The following MYO1H variants were observed in gnomAD, a reference collection of about 807,000 sequenced individuals.
MYO1H encodes the protein unconventional myosin-Ih.
In MYO1H, 118 loss-of-function variants were observed where a neutral mutation model predicts 149.3. That is an observed-to-expected ratio of 0.79 (90% confidence interval 0.68 to 0.92). The LOEUF (loss-of-function observed/expected upper bound fraction) is 0.92, where lower values mean the gene tolerates loss of function less well. MYO1H is among the 40% of genes least tolerant of loss of function. MYO1H has a pLI of 0.00. For missense variants in MYO1H, 1,212 were observed against 1,280.7 expected (o/e 0.95, Z 0.82); for synonymous variants, 447 against 465.2 (o/e 0.96, Z 0.50).
chr12:109,409,557 G>A, exon 11 of MYO1H: 2 of 1,613,478 alleles, frequency 1.2e-6, no homozygotes, highest in South Asian at 1.1e-5. Flanking sequence ...TTTTGACCAG[G>A]ATTTCACCAG....
intron 1 of MYO1H, among the ~76,000 whole-genome samples, chr12:109,349,602 A>G (rs996377793): frequency 8.1e-5 from 12 of 147,844 alleles, no homozygotes; most frequent in African/African-American, 3.0e-4. Context: ...TCAAGGCTGC[A>G]GTGAACTGTG....
intron 1 of MYO1H, among the ~76,000 whole-genome samples, chr12:109,359,954 G>A (rs1868704959): frequency 6.6e-6 from 1 of 152,056 alleles, no homozygotes; most frequent in South Asian, 2.1e-4. Flanking sequence ...TTTGATTTGG[G>A]AAAGTGAAGC....
At chr12:109,443,046 GTATATA>G (rs1430812347) in intron 27 of MYO1H, among the ~76,000 whole-genome samples, 13 of 66,946 alleles carry the variant, frequency 1.9e-4, no homozygotes, top group East Asian at 6.1e-4. Flanking sequence ...GTGTGTGTGT[GTATATA>G]TGTGTACGTA....
intron 4 of MYO1H, among the ~76,000 whole-genome samples, 200 bp downstream of exon 4, chr12:109,396,782 C>T (rs1869926329): frequency 7.6e-6 from 1 of 131,960 alleles, no homozygotes; most frequent in Admixed American, 7.7e-5. Flanking sequence ...TAGTACCTAC[C>T]TTTTAAGACA....
exon 4 of MYO1H, chr12:109,396,530 A>G (rs1361761912): frequency 1.2e-6 from 2 of 1,613,816 alleles, no homozygotes; most frequent in Admixed American, 3.3e-5. Flanking sequence ...CCAATGACCC[A>G]GTCACTACAA....
intron 27 of MYO1H, among the ~76,000 whole-genome samples, chr12:109,443,094 A>ATATGTGTACGTATATGTGTG (rs1872258765): frequency 1.2e-5 from 1 of 82,532 alleles, no homozygotes; most frequent in Non-Finnish European, 2.7e-5. Flanking sequence ...ATGTGTGTAT[A>ATATGTGTACGTATATGTGTG]TATGTGTACG....
intron 1 of MYO1H, among the ~76,000 whole-genome samples, chr12:109,355,848 C>T (rs891561297): frequency 6.6e-6 from 1 of 150,680 alleles, no homozygotes; most frequent in African/African-American, 2.5e-5. Context: ...GCTGGGATTA[C>T]AGGTGTGTGC....
intron 15 of MYO1H, 101 bp from the exon 16 acceptor site, chr12:109,420,880 A>G: frequency 1.4e-6 from 1 of 729,644 alleles, no homozygotes; most frequent in South Asian, 1.6e-5. Flanking sequence ...GCTAATCCTA[A>G]GAAATTCTTT....
intron 28 of MYO1H, among the ~76,000 whole-genome samples, 180 bp downstream of exon 28, chr12:109,443,829 G>C (rs1042179713): frequency 5.3e-5 from 8 of 151,876 alleles, no homozygotes; most frequent in African/African-American, 1.9e-4. Context: ...CTTGAGCCTG[G>C]GAATTCGAAG....
At chr12:109,332,609 G>A in the MYO1H span, among the ~76,000 whole-genome samples, 5 of 152,110 alleles carry the variant, frequency 3.3e-5, no homozygotes, top group Admixed American at 6.5e-5. Context: ...CCAGGGTCTC[G>A]CTCTGTTGCC....
At chr12:109,415,598 A>T in exon 15 of MYO1H, 1 of 1,604,214 alleles carries the variant, frequency 6.2e-7, no homozygotes, top group Non-Finnish European at 8.5e-7. Context: ...ACTATGCAGG[A>T]GAGGTCACAT....
chr12:109,369,150 G>A (rs1168115123), intron 1 of MYO1H, among the ~76,000 whole-genome samples: 1 of 152,022 alleles, frequency 6.6e-6, no homozygotes, highest in Non-Finnish European at 1.5e-5. Flanking sequence ...ACCACACCTG[G>A]CTAATTTTTG....
the MYO1H span, among the ~76,000 whole-genome samples, chr12:109,334,583 G>A: frequency 2.6e-5 from 4 of 152,218 alleles, no homozygotes; most frequent in Admixed American, 2.6e-4. Flanking sequence ...GCCTGCTAAA[G>A]CTAGTACACT....
At chr12:109,392,895 C>T (rs544158772) in intron 2 of MYO1H, among the ~76,000 whole-genome samples, 3 of 151,582 alleles carry the variant, frequency 2.0e-5, no homozygotes, top group South Asian at 2.1e-4. Context: ...CTGCAACCTC[C>T]GCCTCCTGGG....
At chr12:109,346,889 C>T (rs2048104222), upstream of MYO1H, among the ~76,000 whole-genome samples, 1 of 151,852 alleles carries the variant, frequency 6.6e-6, no homozygotes, top group South Asian at 2.1e-4. Context: ...TGTTATATTA[C>T]CTATTCAGTT....
intron 13 of MYO1H, among the ~76,000 whole-genome samples, chr12:109,411,434 G>A (rs536489350): frequency 2.0e-4 from 30 of 152,230 alleles, no homozygotes; most frequent in African/African-American, 5.1e-4. Flanking sequence ...CAACTAAATG[G>A]TATCATTCTT....
At chr12:109,421,010 T>C (rs779078024) in exon 16 of MYO1H, 8 of 1,588,816 alleles carry the variant, frequency 5.0e-6, no homozygotes, top group Non-Finnish European at 6.9e-6. Flanking sequence ...TGATCTTCTT[T>C]ACAGACATCT....
intron 7 of MYO1H, among the ~76,000 whole-genome samples, chr12:109,404,488 ACAAAAC>A (rs1292036879): frequency 6.6e-6 from 1 of 152,236 alleles, no homozygotes; most frequent in African/African-American, 2.4e-5. Flanking sequence ...TCTCAAAAAA[ACAAAAC>A]CAAAAGCAAA....
At chr12:109,388,903 CG>C in intron 2 of MYO1H, 59 bp downstream of exon 2, 1 of 1,538,452 alleles carries the variant, frequency 6.5e-7, no homozygotes, top group South Asian at 1.3e-5. Context: ...CTTGCCTTCA[CG>C]ACTTTGATGA....
Sources: allele counts gnomAD v4.1 joint callset (sites outside exome capture counted in the v4.1 genomes callset), GRCh38; gene constraint gnomAD v4.1.1; transcripts MANE v1.5; gene names NCBI Gene and HGNC (gene_info 2026-07-23, HGNC 2026-07-21).